MICU1: variants seen among roughly 807,000 people sequenced by gnomAD.
MICU1 encodes mitochondrial calcium uptake 1, also known as calcium uptake protein 1, mitochondrial.
MICU1 carries 45 observed loss-of-function variants against 56.8 expected under a neutral mutation model. The observed-to-expected ratio is 0.79, with a 90% CI of 0.62 to 1.02. The LOEUF (loss-of-function observed/expected upper bound fraction) is 1.02, where lower values mean the gene tolerates loss of function less well. MICU1 is among the 50% of genes least tolerant of loss of function. The pLI is 0.00. For synonymous variants in MICU1, 186 were observed against 195.1 expected (o/e 0.95, Z 0.39); for missense variants, 504 against 587.1 (o/e 0.86, Z 1.46).
chr10:72,410,416 A>C (rs1292395511), intron 9 of MICU1, among the ~76,000 whole-genome samples: 1 of 152,224 alleles, frequency 6.6e-6, no homozygotes, highest in East Asian at 1.9e-4. Flanking sequence ...CAAGAGTTCC[A>C]GACCAGCCTG....
At chr10:72,484,949 G>A (rs1325167202) in intron 6 of MICU1, among the ~76,000 whole-genome samples, 3 of 152,136 alleles carry the variant, frequency 2.0e-5, no homozygotes, top group Admixed American at 6.6e-5. Flanking sequence ...CTGCTAGCTA[G>A]CTATTTGTTT....
At chr10:72,445,510 T>C (rs1865077728) in intron 8 of MICU1, among the ~76,000 whole-genome samples, 1 of 152,214 alleles carries the variant, frequency 6.6e-6, no homozygotes, top group South Asian at 2.1e-4. Flanking sequence ...GTAGGAATCC[T>C]TTCATTTAGT....
intron 1 of MICU1, among the ~76,000 whole-genome samples, chr10:72,602,663 A>G (rs192426770): frequency 6.6e-6 from 1 of 152,370 alleles, no homozygotes; most frequent in East Asian, 1.9e-4. Context: ...AATAAGGTAA[A>G]TATAAAATAG....
intron 1 of MICU1, among the ~76,000 whole-genome samples, chr10:72,613,590 T>TTTTAATATGTAGGCTATACCCCTACATA (rs1841907825): frequency 6.6e-6 from 1 of 152,094 alleles, no homozygotes; most frequent in South Asian, 2.1e-4. Flanking sequence ...CCCCTACATA[T>TTTTAATATGTAGGCTATACCCCTACATA]TTTAATATTC....
intron 5 of MICU1, among the ~76,000 whole-genome samples, chr10:72,509,855 CACCAG>C (rs900671549): frequency 3.9e-5 from 6 of 152,076 alleles, no homozygotes; most frequent in African/African-American, 1.4e-4. Flanking sequence ...CAAAGCCCTC[CACCAG>C]GAAGTTAATA....
At chr10:72,433,584 C>T (rs1035957752) in intron 8 of MICU1, among the ~76,000 whole-genome samples, 6 of 152,156 alleles carry the variant, frequency 3.9e-5, no homozygotes, top group Non-Finnish European at 8.8e-5. Context: ...CCTGCCACCA[C>T]GCCTGGCTAA....
intron 10 of MICU1, among the ~76,000 whole-genome samples, chr10:72,406,510 T>C (rs1328490869): frequency 2.0e-5 from 3 of 152,034 alleles, no homozygotes; most frequent in African/African-American, 7.2e-5. Flanking sequence ...ACAAATGACC[T>C]AGAATATCCA....
At chr10:72,404,826 C>T (rs1863575161) in intron 10 of MICU1, among the ~76,000 whole-genome samples, 1 of 152,158 alleles carries the variant, frequency 6.6e-6, no homozygotes, top group African/African-American at 2.4e-5. Flanking sequence ...CTATCAAATA[C>T]AGCTCAGAAA....
chr10:72,533,438 T>A (rs1039000366), intron 5 of MICU1, among the ~76,000 whole-genome samples: 1 of 152,290 alleles, frequency 6.6e-6, no homozygotes, highest in African/African-American at 2.4e-5. Context: ...TAAATGCCAA[T>A]ACAGTATTGG....
chr10:72,554,257 GCAACT>G (rs1840105197), intron 3 of MICU1, among the ~76,000 whole-genome samples: 1 of 152,080 alleles, frequency 6.6e-6, no homozygotes, highest in Admixed American at 6.6e-5. Flanking sequence ...ATATCATTTT[GCAACT>G]TCAATGAATT....
At position 72,566,698 on chromosome 10, in the gene MICU1, T is replaced by C; in HGVS notation, c.96A>G (p.Arg32=). 6.2e-7 allele frequency: 1 copy of C among 1,612,924 alleles called. No individual in the cohort carries two copies. The highest frequency in any genetic ancestry group is 8.5e-7 in the Non-Finnish European group (1 of 1,179,474). ...CTCCCAGGAAAGCCACCATCATTAG[T>C]CTTCGCCGGATCTGGATGGGCTGTG... ...GGSQPIQIRR[R]LMMVAFLGAS... Residue 32 remains arginine, a synonymous_variant, in exon 2 of 12, where the codon AGA becomes AGG. Transcript: ENST00000361114.
At chr10:72,496,259 CTGGGATAA>C (rs1013582106) in intron 6 of MICU1, among the ~76,000 whole-genome samples, 1 of 151,330 alleles carries the variant, frequency 6.6e-6, no homozygotes, top group Non-Finnish European at 1.5e-5. Flanking sequence ...TCCTGAGCAG[CTGGGATAA>C]TATAGGCATG....
chr10:72,602,980 G>C (rs1031716430), intron 1 of MICU1, among the ~76,000 whole-genome samples: 21 of 142,198 alleles, frequency 1.5e-4, no homozygotes, highest in Non-Finnish European at 4.6e-5. Flanking sequence ...GCCGGGCGTG[G>C]TGGCGGGTGC....
chr10:72,584,843 A>C (rs1348742031), intron 1 of MICU1, among the ~76,000 whole-genome samples: 2 of 152,158 alleles, frequency 1.3e-5, no homozygotes, highest in Non-Finnish European at 2.9e-5. Context: ...TTCTGGACCT[A>C]ATAAATACTT....
chr10:72,519,635 G>C (rs1867757892), intron 5 of MICU1, among the ~76,000 whole-genome samples: 1 of 152,146 alleles, frequency 6.6e-6, no homozygotes. Context: ...AGGGGCACTG[G>C]AACTGGGATT....
chr10:72,524,007 GTATT>G (rs1867898215), intron 5 of MICU1: 5 of 1,255,656 alleles, frequency 4.0e-6, no homozygotes, highest in Non-Finnish European at 5.0e-6. Flanking sequence ...CTGCTTATTT[GTATT>G]TATTATGTAA....
intron 1 of MICU1, among the ~76,000 whole-genome samples, chr10:72,612,681 G>C (rs1013282720): frequency 6.6e-6 from 1 of 152,046 alleles, no homozygotes; most frequent in Non-Finnish European, 1.5e-5. Flanking sequence ...CATGCATGTA[G>C]TCATAGCTAT....
chr10:72,560,979 T>C (rs1023098209), intron 3 of MICU1, among the ~76,000 whole-genome samples: 1 of 152,126 alleles, frequency 6.6e-6, no homozygotes, highest in African/African-American at 2.4e-5. Flanking sequence ...AAAGAATGAA[T>C]ATACAAAGAA....
chr10:72,411,936 T>G (rs1863828804), intron 9 of MICU1, among the ~76,000 whole-genome samples: 1 of 152,204 alleles, frequency 6.6e-6, no homozygotes, highest in Non-Finnish European at 1.5e-5. Flanking sequence ...ATTATATAAC[T>G]ATTAAATCTA....
Sources: allele counts gnomAD v4.1 joint callset (sites outside exome capture counted in the v4.1 genomes callset), GRCh38; gene constraint gnomAD v4.1.1; transcripts MANE v1.5; gene names NCBI Gene and HGNC (gene_info 2026-07-23, HGNC 2026-07-21).